PCDHGC5: variants seen among roughly 807,000 people sequenced by gnomAD.
The protein encoded by PCDHGC5 is protocadherin gamma-C5.
In PCDHGC5, 25 loss-of-function variants were observed where a neutral mutation model predicts 59.0. That is an observed-to-expected ratio of 0.42 (90% CI 0.31 to 0.59). The LOEUF (loss-of-function observed/expected upper bound fraction) is 0.59. Among genes scored for constraint, PCDHGC5 ranks in the 20% least tolerant of loss-of-function variants. The pLI is 0.13. For missense variants in PCDHGC5, 1,067 were observed against 1,206.4 expected (o/e 0.88, Z 1.71); for synonymous variants, 434 against 505.5 (o/e 0.86, Z 1.90).
intron 2 of PCDHGC5, among the ~76,000 whole-genome samples, chr5:141,502,827 A>G (rs1003204508): frequency 2.7e-5 from 4 of 150,478 alleles, no homozygotes; most frequent in African/African-American, 9.8e-5. Flanking sequence ...TCCTTGGGGA[A>G]GCCTGGACTG....
intron 3 of PCDHGC5, among the ~76,000 whole-genome samples, chr5:141,509,807 C>T (rs369661041): frequency 2.0e-5 from 3 of 152,104 alleles, no homozygotes; most frequent in Non-Finnish European, 4.4e-5. Context: ...TTCATAGAGC[C>T]GAGCTCTTCT....
Position 141,490,140 on chromosome 5 carries a change from G to T in PCDHGC5, c.900G>T (p.Gly300=). The change falls in exon 1 of 4, where the codon GGG becomes GGT. Residue 300 remains glycine (G), a synonymous_variant. Transcript: ENST00000252087. This position sits in a 1 kb window ranked among gnomAD's most constrained non-coding sequence, Gnocchi z 5.4. ...RNLFGLDPSS[G]AIHVLGPIDF... Reference sequence around the variant, plus strand: ...TCTTTGGCCTAGACCCTAGCAGTGGGGCAATCCATGTGTTGGGTCCCATAG... The same window carrying T: ...TCTTTGGCCTAGACCCTAGCAGTGGTGCAATCCATGTGTTGGGTCCCATAG... 1 of 1,614,206 alleles carries T rather than the reference G, an allele frequency of 6.2e-7. No homozygotes were observed. The highest frequency in any genetic ancestry group is 8.5e-7 in the Non-Finnish European group (1 of 1,180,026).
intron 2 of PCDHGC5, among the ~76,000 whole-genome samples, chr5:141,495,663 G>T (rs756466649): frequency 6.6e-6 from 1 of 152,050 alleles, no homozygotes; most frequent in African/African-American, 2.4e-5. Context: ...GATCTGTGCC[G>T]CCCACTGTGC....
In PCDHGC5 at chr5:141,502,614, T is replaced by C. The variant is rs534996288; in HGVS notation, c.2520-2779T>C. Among the ~76,000 whole-genome samples the C allele has an allele frequency of 7.2e-5, 11 of 152,316 alleles. No homozygotes were observed. In the East Asian group the frequency reaches 1.7e-3, roughly 24 times the overall value. ...AGATATTTTAAAATATTTGTGAAAATATAAGTAATCTGTGGATGATACTTT... is the reference window on the plus strand; with the variant it reads ...AGATATTTTAAAATATTTGTGAAAACATAAGTAATCTGTGGATGATACTTT... On this transcript the variant is annotated intron_variant, in intron 2 of 3. Transcript: ENST00000252087.
rs764843194 is a variant in PCDHGC5 at position 141,490,530 on chromosome 5, T to A, written c.1290T>A (p.Gly430=). 1.2e-6 allele frequency: 2 copies of A among 1,613,794 alleles called. No individual in the cohort carries two copies. Among genetic ancestry groups the A allele is most frequent in the African/African-American group, 2.7e-5 (2 of 74,846 alleles). ...TCGAGCTGCTGGCCAGCGATGCTGG[T>A]TCACCTTCCCTACACAAACATCTCA... ...YIIELLASDA[G]SPSLHKHLTI... is the part of the protein sequence containing the mutation. The change falls in exon 1 of 4, where the codon GGT becomes GGA. Residue 430 remains glycine (G), a synonymous_variant. Coordinates refer to ENST00000252087, the MANE Select transcript of PCDHGC5 (RefSeq NM_018929.3). This position sits in a 1 kb window ranked among gnomAD's most constrained non-coding sequence, Gnocchi z 5.4.
intron 2 of PCDHGC5, among the ~76,000 whole-genome samples, chr5:141,502,337 T>C (rs1562205634): frequency 6.6e-6 from 1 of 152,184 alleles, no homozygotes; most frequent in Admixed American, 6.5e-5. Flanking sequence ...CCCAGTCTTT[T>C]TATTTTTTTA....
At chr5:141,492,933 A>G (rs935580560) in intron 1 of PCDHGC5, among the ~76,000 whole-genome samples, 3 of 152,194 alleles carry the variant, frequency 2.0e-5, no homozygotes, top group Admixed American at 6.5e-5. Flanking sequence ...CTAGGGTCAG[A>G]GATTTGGAGG....
At chr5:141,503,555 C>T (rs1010409481) in intron 2 of PCDHGC5, among the ~76,000 whole-genome samples, 2 of 148,816 alleles carry the variant, frequency 1.3e-5, no homozygotes, top group African/African-American at 5.0e-5. Context: ...GCCGAGATCG[C>T]GCCACTGTAC....
At chr5:141,496,734 G>A (rs527288196) in intron 2 of PCDHGC5, among the ~76,000 whole-genome samples, 4 of 152,066 alleles carry the variant, frequency 2.6e-5, no homozygotes, top group Non-Finnish European at 4.4e-5. Flanking sequence ...GTATTCATTC[G>A]TTCATTTATT....
In PCDHGC5 at chr5:141,511,539, C is replaced by CGAGAT; in HGVS notation, c.*366_*367insGAGAT. 3.0e-6 allele frequency: 1 copy of CGAGAT among 328,342 alleles called. No individual in the cohort carries two copies. Among genetic ancestry groups the CGAGAT allele is most frequent in the South Asian group, 3.2e-5 (1 of 31,708 alleles). 20.3% of individuals were successfully genotyped at this position (328,342 alleles called of 1,614,324 possible). On this transcript the variant is annotated 3_prime_UTR_variant, in exon 4 of 4. Transcript: ENST00000252087. ...CATCCCATGCCTCCCTCCTCCCCAC[C>CGAGAT]CCACTCCAACAGTTCCTCTTTCCCG...
At chr5:141,510,322 A>G (rs62379243) in intron 3 of PCDHGC5, among the ~76,000 whole-genome samples, 36,300 of 150,290 alleles carry the variant, frequency 0.24, 4,456 homozygotes, top group Admixed American at 0.32. Flanking sequence ...TTGGAAGAGC[A>G]CTCTTCACCC....
intron 1 of PCDHGC5, among the ~76,000 whole-genome samples, chr5:141,492,095 CT>C (rs1047956109): frequency 6.6e-6 from 1 of 152,232 alleles, no homozygotes; most frequent in African/African-American, 2.4e-5. Context: ...CTTCGCCGGT[CT>C]GTAGATTTCC....
In PCDHGC5 at chr5:141,511,216, C is replaced by A. The variant is rs374915167; in HGVS notation, c.*43C>A. On this transcript the variant is annotated 3_prime_UTR_variant, in exon 4 of 4. Coordinates refer to ENST00000252087, the MANE Select transcript of PCDHGC5 (RefSeq NM_018929.3). Reference sequence around the variant, plus strand: ...GAGCCACAGGGCGGCCTCTCCCCAACCAGCCCAGCTTCTCCTTACCTGCAC... The same window carrying A: ...GAGCCACAGGGCGGCCTCTCCCCAAACAGCCCAGCTTCTCCTTACCTGCAC... The A allele has an allele frequency of 6.2e-7, 1 of 1,608,004 alleles. No homozygotes were observed. The highest frequency in any genetic ancestry group is 1.3e-5 in the African/African-American group (1 of 74,736).
intron 2 of PCDHGC5, among the ~76,000 whole-genome samples, chr5:141,503,075 G>C (rs1373753092): frequency 6.6e-6 from 1 of 151,438 alleles, no homozygotes; most frequent in Non-Finnish European, 1.5e-5. Context: ...GAATGGTCTC[G>C]ATCTCCTGAC....
chr5:141,494,897 C>T (rs1194879883), intron 2 of PCDHGC5, 32 bp downstream of exon 2: 2 of 1,614,122 alleles, frequency 1.2e-6, no homozygotes, highest in South Asian at 2.2e-5. Flanking sequence ...CCACCCTCTT[C>T]TCTGCGGCAT....
At chr5:141,509,335 G>T (rs113423267) in intron 3 of PCDHGC5, among the ~76,000 whole-genome samples, 106 of 152,262 alleles carry the variant, frequency 7.0e-4, no homozygotes, top group African/African-American at 2.4e-3. Context: ...CTGCCAGCTG[G>T]GCCTGGGCTG....
In PCDHGC5 at chr5:141,511,236, C is replaced by T; in HGVS notation, c.*63C>T. 4 of 1,591,606 alleles carry T rather than the reference C, an allele frequency of 2.5e-6. No individual in the cohort carries two copies. Among genetic ancestry groups the T allele is most frequent in the Admixed American group, 3.6e-5 (2 of 56,022 alleles). ...CCCAACCAGCCCAGCTTCTCCTTAC[C>T]TGCACCCAGGCCTCAGAGTTTCAGG... On this transcript the variant is annotated 3_prime_UTR_variant, in exon 4 of 4. Transcript: ENST00000252087.
chr5:141,491,496 C>T lies in PCDHGC5; in HGVS notation c.2256C>T (p.Ser752=), dbSNP rs372523924. ...YKQSSPNLQV[S]SDGTLKYMEV... is the part of the protein sequence containing the mutation. ...AGTCCAGCCCCAACCTGCAGGTGAG[C>T]TCGGACGGCACGCTCAAGTACATGG... Residue 752 remains serine (S), a synonymous_variant, in exon 1 of 4, where the codon AGC becomes AGT. Transcript: ENST00000252087. This position sits in a 1 kb window ranked among gnomAD's most constrained non-coding sequence, Gnocchi z 6.9. 2.9e-5 allele frequency: 47 copies of T among 1,614,004 alleles called. No individual in the cohort carries two copies. Among genetic ancestry groups the T allele is most frequent in the Non-Finnish European group, 3.7e-5 (44 of 1,180,026 alleles).
At chr5:141,506,636 C>T (rs1421676205) in intron 3 of PCDHGC5, among the ~76,000 whole-genome samples, 2 of 152,020 alleles carry the variant, frequency 1.3e-5, no homozygotes, top group South Asian at 2.1e-4. Context: ...AATGCAAGTC[C>T]CTCAGCACAG....
Sources: gnomAD v4.1 joint callset for allele counts (sites outside exome capture counted in the v4.1 genomes callset) on GRCh38, gnomAD v4.1.1 for gene constraint, Gnocchi (gnomAD v3.1) non-coding constraint, MANE v1.5 for transcripts, NCBI Gene and HGNC (gene_info 2026-07-23, HGNC 2026-07-21) for gene names.